Variants in CDC42BPB observed in about 807,000 individuals in gnomAD.
CDC42BPB encodes the protein serine/threonine-protein kinase MRCK beta.
In CDC42BPB, 37 loss-of-function variants were observed where a neutral mutation model predicts 214.9. The ratio of observed to expected loss-of-function variants is 0.17; its 90% CI spans 0.13 to 0.23. The LOEUF is 0.23. CDC42BPB is among the 10% of genes least tolerant of loss of function. CDC42BPB has a pLI of 1.00. For missense variants in CDC42BPB, 1,694 were observed against 2,227.0 expected (o/e 0.76, Z 4.82); for synonymous variants, 931 against 884.0 (o/e 1.05, Z -0.94).
chr14:103,024,436 G>C (rs1221955699), intron 1 of CDC42BPB, among the ~76,000 whole-genome samples: 1 of 152,212 alleles, frequency 6.6e-6, no homozygotes, highest in Non-Finnish European at 1.5e-5. Context: ...CCCGCATTAA[G>C]AAGCAGGGAG....
At chr14:102,950,159 C>T (rs528710919) in intron 25 of CDC42BPB, 54 of 939,370 alleles carry the variant, frequency 5.7e-5, no homozygotes, top group East Asian at 1.2e-4. Context: ...ACACGCAGCC[C>T]GACAGTCTCG....
intron 34 of CDC42BPB, among the ~76,000 whole-genome samples, chr14:102,939,347 G>A (rs1266799767): frequency 6.6e-6 from 1 of 152,238 alleles, no homozygotes; most frequent in African/African-American, 2.4e-5. Context: ...GCCCTCACAG[G>A]CCGAAACGTG....
chr14:103,053,968 G>C (rs1346927074), intron 1 of CDC42BPB, among the ~76,000 whole-genome samples: 1 of 152,102 alleles, frequency 6.6e-6, no homozygotes, highest in Non-Finnish European at 1.5e-5. Context: ...AGCCTCCAGA[G>C]TAACTGGGAC....
chr14:103,052,525 G>T (rs1386272476), intron 1 of CDC42BPB, among the ~76,000 whole-genome samples: 1 of 152,072 alleles, frequency 6.6e-6, no homozygotes, highest in Non-Finnish European at 1.5e-5. Context: ...TCACACCTTG[G>T]GCTGGCCATT....
intron 5 of CDC42BPB, among the ~76,000 whole-genome samples, chr14:102,997,400 C>T (rs566316807): frequency 2.0e-5 from 3 of 152,176 alleles, no homozygotes; most frequent in Admixed American, 6.5e-5. Context: ...CTGGAGGACA[C>T]GCGCTACCAA....
chr14:103,004,209 GC>G lies in CDC42BPB; in HGVS notation c.352-187del. 1 of 1,331,420 alleles carries G rather than the reference GC, an allele frequency of 7.5e-7. No individual in the cohort carries two copies. The highest frequency in any genetic ancestry group is 9.6e-7 in the Non-Finnish European group (1 of 1,037,954). The allele number at this position is 1,331,420 out of a possible 1,614,324, so 82.5% of individuals were successfully genotyped here. ...CATCCCTCATCCCTTCCTCTCCCAA[GC>G]CCCGTGCAAGTGCCAAGGGCTGCTG... is the stretch of plus-strand genomic sequence containing the variant. On this transcript the variant is annotated intron_variant, in intron 3 of 36. Coordinates refer to ENST00000361246, the MANE Select transcript of CDC42BPB (RefSeq NM_006035.4). The surrounding 1 kb of genome is among the most constrained non-coding windows in gnomAD (Gnocchi z 5.3).
chr14:103,032,825 T>C (rs1887465771), intron 1 of CDC42BPB, among the ~76,000 whole-genome samples: 2 of 151,256 alleles, frequency 1.3e-5, no homozygotes, highest in Non-Finnish European at 1.5e-5. Context: ...AGTTTCATCA[T>C]GTTACCCAGG....
intron 1 of CDC42BPB, among the ~76,000 whole-genome samples, chr14:103,049,863 G>A (rs1340126426): frequency 6.6e-6 from 1 of 152,108 alleles, no homozygotes; most frequent in Non-Finnish European, 1.5e-5. Context: ...ACAGGCGTGC[G>A]CCACCAGCCC....
intron 1 of CDC42BPB, among the ~76,000 whole-genome samples, chr14:103,031,809 CAG>C (rs1160021871): frequency 1.3e-5 from 2 of 152,016 alleles, no homozygotes; most frequent in Non-Finnish European, 2.9e-5. Flanking sequence ...GCTGATGTAC[CAG>C]AGACTACAGC....
intron 1 of CDC42BPB, among the ~76,000 whole-genome samples, chr14:103,049,769 A>C (rs1229518495): frequency 6.6e-6 from 1 of 152,258 alleles, no homozygotes; most frequent in Non-Finnish European, 1.5e-5. Flanking sequence ...GCTGGAGAGC[A>C]ATGGCACAAT....
At chr14:102,963,291 G>C in intron 19 of CDC42BPB, 136 bp from the exon 20 acceptor site, 3 of 1,382,078 alleles carry the variant, frequency 2.2e-6, no homozygotes, top group Non-Finnish European at 2.8e-6. Flanking sequence ...GCTCATGCTG[G>C]GCCTTTCTAC....
chr14:102,939,604 A>G lies in CDC42BPB; in HGVS notation c.4827+6T>C. 1 of 1,605,916 alleles carries G rather than the reference A, an allele frequency of 6.2e-7. No individual in the cohort carries two copies. Among genetic ancestry groups the G allele is most frequent in the Non-Finnish European group, 8.5e-7 (1 of 1,172,592 alleles). ...CCTGCCCGCCCTATCCCGGCCGTGC[A>G]CGCACCAGAGGCAGGTCCATGAGCA... On this transcript the variant is annotated splice_donor_region_variant and intron_variant, in intron 34 of 36. Transcript: ENST00000361246.
At chr14:102,967,735 C>T (rs1433634269) in intron 16 of CDC42BPB, among the ~76,000 whole-genome samples, 1 of 152,200 alleles carries the variant, frequency 6.6e-6, no homozygotes, top group African/African-American at 2.4e-5. Context: ...GTACGGGACG[C>T]CTGTTGTACA....
At chr14:103,041,837 C>T in intron 1 of CDC42BPB, 1 of 405,446 alleles carries the variant, frequency 2.5e-6, no homozygotes, top group East Asian at 6.6e-5. Context: ...TCCAACCTCA[C>T]CCTCTACCCC....
At position 102,968,466 on chromosome 14, in the gene CDC42BPB, A is replaced by T; in HGVS notation, c.2240+6T>A. The T allele has an allele frequency of 6.2e-7, 1 of 1,613,814 alleles. No homozygotes were observed. Among genetic ancestry groups the T allele is most frequent in the Non-Finnish European group, 8.5e-7 (1 of 1,179,938 alleles). ...CTTCTGAACTGAGAAGCTCATGAAA[A>T]CCTACCGTTCTCGCTTTGACTTTTC... On this transcript the variant is annotated splice_donor_region_variant and intron_variant, in intron 15 of 36. Coordinates refer to ENST00000361246, the MANE Select transcript of CDC42BPB (RefSeq NM_006035.4).
intron 24 of CDC42BPB, 65 bp downstream of exon 24, chr14:102,952,433 G>A (rs1021728865): frequency 2.0e-6 from 2 of 1,000,756 alleles, no homozygotes; most frequent in African/African-American, 3.2e-5. Flanking sequence ...GGAGCCGGCT[G>A]GTGCCCTTAG....
chr14:103,045,184 G>A (rs1440035326), intron 1 of CDC42BPB, among the ~76,000 whole-genome samples: 5 of 152,166 alleles, frequency 3.3e-5, no homozygotes, highest in Non-Finnish European at 5.9e-5. Flanking sequence ...ACCCTGAAGT[G>A]CTGTTTTGGG....
At chr14:103,053,356 A>G (rs2139793326) in intron 1 of CDC42BPB, among the ~76,000 whole-genome samples, 1 of 151,778 alleles carries the variant, frequency 6.6e-6, no homozygotes, top group South Asian at 2.1e-4. Flanking sequence ...CAAAAAAAAA[A>G]GAAAAGAAAA....
intron 2 of CDC42BPB, among the ~76,000 whole-genome samples, chr14:103,009,799 G>A (rs1333067301): frequency 6.6e-6 from 1 of 152,186 alleles, no homozygotes; most frequent in African/African-American, 2.4e-5. Context: ...CTCAATGCTT[G>A]GTAGCAGACA....
Sources: allele counts gnomAD v4.1 joint callset (sites outside exome capture counted in the v4.1 genomes callset), GRCh38; gene constraint gnomAD v4.1.1; non-coding constraint Gnocchi (gnomAD v3.1); transcripts MANE v1.5; gene names NCBI Gene and HGNC (gene_info 2026-07-23, HGNC 2026-07-21).